Variants in HHLA1 observed in about 807,000 individuals in gnomAD.
The protein encoded by HHLA1 is HHLA1 neighbor of OC90.
A neutral mutation model predicts 69.9 loss-of-function variants in HHLA1; 72 were observed. That is an observed-to-expected ratio of 1.03 (90% CI 0.85 to 1.25). HHLA1 has a LOEUF of 1.25. Ranked by LOEUF, HHLA1 falls within the 50% of genes most tolerant of loss-of-function variation. The pLI is 0.00. For synonymous variants in HHLA1, 252 were observed against 233.2 expected (o/e 1.08, Z -0.73); for missense variants, 685 against 642.2 (o/e 1.07, Z -0.72).
In HHLA1 at chr8:132,077,784, C is replaced by A. The variant is rs1019577195; in HGVS notation, c.1113G>T (p.Ala371=). Residue 371 remains alanine (A), a synonymous_variant, in exon 12 of 17, where the codon GCG becomes GCT. Transcript: ENST00000414222. ...EEAMNTTSLL[A]PAAEIMATPG... ...GTGTGGCCATTATCTCAGCAGCAGG[C>A]GCCAAAAGGCTTGTAGTGTTCATGG... The A allele has an allele frequency of 3.2e-6, 5 of 1,551,628 alleles. No individual in the cohort carries two copies. Among genetic ancestry groups the A allele is most frequent in the South Asian group, 1.2e-5 (1 of 84,058 alleles).
intron 10 of HHLA1, chr8:132,085,683 T>A (rs1266824669): frequency 6.5e-6 from 1 of 153,530 alleles, no homozygotes. Flanking sequence ...GGGGCCGTTT[T>A]ATAGGATTTG....
intron 5 of HHLA1, among the ~76,000 whole-genome samples, chr8:132,097,972 T>A (rs1166155107): frequency 6.6e-6 from 1 of 152,212 alleles, no homozygotes; most frequent in African/African-American, 2.4e-5. Context: ...CTAAATAACA[T>A]GTACCATTAC....
At chr8:132,098,635 T>G (rs1417692197) in intron 5 of HHLA1, among the ~76,000 whole-genome samples, 1 of 151,968 alleles carries the variant, frequency 6.6e-6, no homozygotes, top group East Asian at 1.9e-4. Context: ...CTAATTTTTG[T>G]ATTTTTTGTA....
rs1311311788 is a variant in HHLA1 at position 132,077,950 on chromosome 8, G to A, written c.947C>T (p.Thr316Ile). 6.4e-7 allele frequency: 1 copy of A among 1,551,628 alleles called. No individual in the cohort carries two copies. The highest frequency in any genetic ancestry group is 2.4e-5 in the East Asian group (1 of 40,908). ...PALATRRVAR[T>I]QWLTADRQTW... The stretch of plus-strand genomic sequence containing the variant: ...CTGTCTGTCAGCTGTCAACCACTGA[G>A]TTCTGGCCACCCTCCTGGTAGCTGC... Residue 316 changes from threonine to isoleucine, a missense_variant, in exon 12 of 17, where the codon ACT becomes ATT. Thr to Ile is a moderately conservative substitution (Grantham distance 89, BLOSUM62 -1). Coordinates refer to ENST00000414222, the MANE Select transcript of HHLA1 (RefSeq NM_001145095.3).
At chr8:132,088,800 C>A (rs1364205782) in intron 8 of HHLA1, among the ~76,000 whole-genome samples, 1 of 152,182 alleles carries the variant, frequency 6.6e-6, no homozygotes, top group Admixed American at 6.5e-5. Context: ...TGACAGTTTC[C>A]TCACCTGTCA....
At position 132,091,808 on chromosome 8, in the gene HHLA1, T is replaced by C. The variant is rs148395105; in HGVS notation, c.449-2209A>G. Among the ~76,000 whole-genome samples the C allele has an allele frequency of 2.0e-3, 298 of 152,348 alleles. 1 individual carries two copies. The highest frequency in any genetic ancestry group is 3.5e-3 in the Non-Finnish European group (238 of 68,034). ...CATTGTTGGTAAGACTGTAAACGTA[T>C]GCAAGACTTTTAGAAGACATTTTGG... On this transcript the variant is annotated intron_variant, in intron 7 of 16. Transcript: ENST00000414222.
rs1824065610 is a variant in HHLA1 at position 132,098,870 on chromosome 8, A to T, written c.280+12T>A. The T allele has an allele frequency of 6.5e-7, 1 of 1,534,802 alleles. No individual in the cohort carries two copies. Among genetic ancestry groups the T allele is most frequent in the Non-Finnish European group, 8.8e-7 (1 of 1,132,450 alleles). ...AAAATGGACCTGGATTGTGCTTTTA[A>T]AATATGATTACCTTTTAACGCTCTA... On this transcript the variant is annotated intron_variant, in intron 5 of 16. Coordinates refer to ENST00000414222, the MANE Select transcript of HHLA1 (RefSeq NM_001145095.3).
chr8:132,104,028 T>C (rs763030347), intron 3 of HHLA1, 80 bp downstream of exon 3: 1 of 912,794 alleles, frequency 1.1e-6, no homozygotes, highest in South Asian at 1.4e-5. Flanking sequence ...GTCTTATCAG[T>C]AGAGAAAGTC....
intron 10 of HHLA1, chr8:132,081,037 A>G (rs887338229): frequency 6.6e-6 from 1 of 152,196 alleles, no homozygotes; most frequent in Admixed American, 6.5e-5. Flanking sequence ...ATCTAATTAG[A>G]GAGTGCCTAA....
At chr8:132,066,339 C>T (rs1298148252) in intron 15 of HHLA1, among the ~76,000 whole-genome samples, 4 of 152,212 alleles carry the variant, frequency 2.6e-5, no homozygotes, top group Non-Finnish European at 5.9e-5. Flanking sequence ...AGTTCCTGAA[C>T]AGTACCCAGC....
chr8:132,084,995 G>A (rs1023236348), intron 10 of HHLA1, among the ~76,000 whole-genome samples: 9 of 152,024 alleles, frequency 5.9e-5, no homozygotes, highest in African/African-American at 2.2e-4. Context: ...AAGGAGAAGG[G>A]GTTGAGGGGT....
Position 132,064,035 on chromosome 8 carries a change from A to G in HHLA1, c.1556T>C (p.Leu519Ser). ...RVKRVSHSHT[L>S]KQKCLENICK... ...GATATTCTCAAGGCACTTTTGCTTT[A>G]AGGCTGAAAAAAAAGCAGAAGAAGA... The change falls in exon 17 of 17, where the codon TTA becomes TCA. Residue 519 changes from leucine to serine, a missense_variant. Transcript: ENST00000414222. 7.7e-7 allele frequency: 1 copy of G among 1,303,952 alleles called. No homozygotes were observed. The highest frequency in any genetic ancestry group is 1.0e-6 in the Non-Finnish European group (1 of 987,990). 80.8% of individuals were successfully genotyped at this position (1,303,952 alleles called of 1,614,324 possible). A position where few individuals can be genotyped will look rare whatever the true frequency, so the allele number is the denominator to read the frequency against.
At chr8:132,096,559 A>G (rs1824029503) in intron 5 of HHLA1, among the ~76,000 whole-genome samples, 1 of 152,206 alleles carries the variant, frequency 6.6e-6, no homozygotes, top group Non-Finnish European at 1.5e-5. Context: ...AGGTTTAGGA[A>G]TACATGCATG....
chr8:132,102,173 G>A (rs989083459), intron 3 of HHLA1, among the ~76,000 whole-genome samples: 5 of 152,166 alleles, frequency 3.3e-5, no homozygotes, highest in Non-Finnish European at 5.9e-5. Flanking sequence ...ATATGGCACC[G>A]TTTTCTTATT....
intron 14 of HHLA1, among the ~76,000 whole-genome samples, chr8:132,073,048 A>G (rs1051938606): frequency 6.6e-6 from 1 of 152,234 alleles, no homozygotes; most frequent in African/African-American, 2.4e-5. Flanking sequence ...AATGAGTTCA[A>G]TAATATCTTT....
intron 3 of HHLA1, among the ~76,000 whole-genome samples, chr8:132,100,608 G>A (rs1213552255): frequency 2.6e-5 from 4 of 152,168 alleles, no homozygotes; most frequent in Non-Finnish European, 5.9e-5. Flanking sequence ...GCATTCATTC[G>A]TTCTTCATTG....
chr8:132,063,822 T>A lies in HHLA1; in HGVS notation c.*173A>T. ...TTCTACCTTCAATGTTTTGCACAGA[T>A]TCACAGGAGAGGGAAAAAAAATGCT... On this transcript the variant is annotated 3_prime_UTR_variant, in exon 17 of 17. Coordinates refer to ENST00000414222, the MANE Select transcript of HHLA1 (RefSeq NM_001145095.3). 3.9e-6 allele frequency: 1 copy of A among 257,928 alleles called. No homozygotes were observed. Among genetic ancestry groups the A allele is most frequent in the Non-Finnish European group, 8.2e-6 (1 of 121,986 alleles). The allele number at this position is 257,928 out of a possible 1,614,324, so 16.0% of individuals were successfully genotyped here.
chr8:132,070,975 T>C (rs540971572), intron 15 of HHLA1, among the ~76,000 whole-genome samples: 1 of 151,374 alleles, frequency 6.6e-6, no homozygotes, highest in Non-Finnish European at 1.5e-5. Flanking sequence ...TCTCAACTCA[T>C]CACAGCTTAA....
intron 1 of HHLA1, among the ~76,000 whole-genome samples, chr8:132,108,116 G>A (rs1824236210): frequency 1.3e-5 from 2 of 152,180 alleles, no homozygotes; most frequent in Admixed American, 1.3e-4. Flanking sequence ...TTGGAGGACT[G>A]CCTAGGTTTA....
Sources: gnomAD v4.1 joint callset for allele counts (sites outside exome capture counted in the v4.1 genomes callset) on GRCh38, gnomAD v4.1.1 for gene constraint, MANE v1.5 for transcripts, NCBI Gene and HGNC (gene_info 2026-07-23, HGNC 2026-07-21) for gene names.